The following CNIH3 variants were observed in gnomAD, a reference collection of about 807,000 sequenced individuals.
CNIH3 encodes protein cornichon homolog 3.
A neutral mutation model predicts 24.1 loss-of-function variants in CNIH3; 14 were observed. The observed-to-expected ratio is 0.58, with a 90% CI of 0.38 to 0.91. The LOEUF is 0.91. Ranked by LOEUF, CNIH3 falls within the 40% of genes least tolerant of loss-of-function variation. The pLI, the probability that CNIH3 is intolerant of heterozygous loss-of-function variation, is 0.00. For synonymous variants in CNIH3, 68 were observed against 73.8 expected (o/e 0.92, Z 0.40); for missense variants, 178 against 196.8 (o/e 0.90, Z 0.57).
chr1:224,593,705 A>G (rs1681860446), intron 3 of CNIH3, among the ~76,000 whole-genome samples: 1 of 152,254 alleles, frequency 6.6e-6, no homozygotes, highest in Non-Finnish European at 1.5e-5. Context: ...TTAAAAATAA[A>G]AATAAAACAA....
intron 2 of CNIH3, among the ~76,000 whole-genome samples, chr1:224,522,864 G>A (rs997095042): frequency 1.3e-5 from 2 of 152,208 alleles, no homozygotes; most frequent in South Asian, 4.1e-4. Context: ...ATCTATTAAA[G>A]GCAAATGTAT....
intron 1 of CNIH3, among the ~76,000 whole-genome samples, chr1:224,621,960 TGGTTTTATAAA>T (rs1683303683): frequency 6.6e-6 from 1 of 152,172 alleles, no homozygotes; most frequent in African/African-American, 2.4e-5. Context: ...TGAGATCTGA[TGGTTTTATAAA>T]GGGCAGTTCT....
intron 1 of CNIH3, among the ~76,000 whole-genome samples, chr1:224,495,224 G>C (rs757807455): frequency 6.6e-6 from 1 of 152,130 alleles, no homozygotes; most frequent in Non-Finnish European, 1.5e-5. Flanking sequence ...CTCACACAAT[G>C]AGCCCAGTCC....
At chr1:224,664,162 T>TA (rs1365034385) in intron 1 of CNIH3, among the ~76,000 whole-genome samples, 1 of 152,002 alleles carries the variant, frequency 6.6e-6, no homozygotes, top group Non-Finnish European at 1.5e-5. Flanking sequence ...AAATGGGAAT[T>TA]AGGGAGAGGT....
intron 3 of CNIH3, among the ~76,000 whole-genome samples, chr1:224,562,100 G>C (rs1164543243): frequency 6.6e-6 from 1 of 152,104 alleles, no homozygotes; most frequent in Non-Finnish European, 1.5e-5. Context: ...GCTAATTAAG[G>C]GATTTTTGTG....
chr1:224,520,797 T>C (rs1678595073), intron 1 of CNIH3, among the ~76,000 whole-genome samples: 1 of 152,204 alleles, frequency 6.6e-6, no homozygotes, highest in Admixed American at 6.5e-5. Context: ...GAGAGGCTCA[T>C]GTGTGTTTAT....
chr1:224,549,998 A>T (rs774130117), intron 3 of CNIH3, among the ~76,000 whole-genome samples: 10 of 152,204 alleles, frequency 6.6e-5, no homozygotes, highest in Non-Finnish European at 8.8e-5. Flanking sequence ...TATGTCATTA[A>T]TATCACAGTG....
chr1:224,569,392 A>T (rs1307222586), intron 4 of CNIH3, among the ~76,000 whole-genome samples: 1 of 152,208 alleles, frequency 6.6e-6, no homozygotes, highest in East Asian at 1.9e-4. Context: ...GCTAGAGCAT[A>T]TAAATACACC....
Position 224,739,484 on chromosome 1 carries a change from A to G in CNIH3, c.*128A>G. 1.3e-6 allele frequency: 2 copies of G among 1,523,314 alleles called. No individual in the cohort carries two copies. The highest frequency in any genetic ancestry group is 1.8e-6 in the Non-Finnish European group (2 of 1,130,320). The allele number at this position is 1,523,314 out of a possible 1,614,324, so 94.4% of individuals were successfully genotyped here. Reference sequence around the variant, plus strand: ...TGAGAAATAGACCCGGCAGGCAGTCAGACTGAATGGGAGCTGGAATCACGC... The same window carrying G: ...TGAGAAATAGACCCGGCAGGCAGTCGGACTGAATGGGAGCTGGAATCACGC... On this transcript the variant is annotated 3_prime_UTR_variant, in exon 6 of 6. Coordinates refer to ENST00000272133, the MANE Select transcript of CNIH3 (RefSeq NM_152495.2).
chr1:224,672,244 C>A (rs1685903551), intron 1 of CNIH3, among the ~76,000 whole-genome samples: 1 of 152,128 alleles, frequency 6.6e-6, no homozygotes, highest in South Asian at 2.1e-4. Flanking sequence ...TAAAAGCCTG[C>A]TTCCCTGGGG....
rs146162859 is a variant in CNIH3 at position 224,654,585 on chromosome 1, C to T, written c.82-26373C>T. On this transcript the variant is annotated intron_variant, in intron 1 of 5. Coordinates refer to ENST00000272133, the MANE Select transcript of CNIH3 (RefSeq NM_152495.2). Reference sequence around the variant, plus strand: ...CACTGTTGATGCCTGTTTCTAAAAACTGAATCAGCAAATGCCTTGCAGGAT... The same window carrying T: ...CACTGTTGATGCCTGTTTCTAAAAATTGAATCAGCAAATGCCTTGCAGGAT... Among the ~76,000 whole-genome samples the T allele has an allele frequency of 4.9e-3, 749 of 152,236 alleles. 23 individuals are homozygous for T. The highest frequency in any genetic ancestry group is 0.043 in the Admixed American group (653 of 15,286).
intron 4 of CNIH3, among the ~76,000 whole-genome samples, chr1:224,581,363 A>C (rs10916649): frequency 0.1 from 15,926 of 152,196 alleles, 936 homozygotes; most frequent in South Asian, 0.24. Context: ...AAAGACCGGA[A>C]ATCATTGCTT....
At chr1:224,686,158 C>A in intron 3 of CNIH3, among the ~76,000 whole-genome samples, 1 of 114,140 alleles carries the variant, frequency 8.8e-6, no homozygotes, top group Admixed American at 1.1e-4. Context: ...CCTCCCCCCT[C>A]CCCCCACCCC....
intron 4 of CNIH3, chr1:224,575,484 C>A: frequency 1.7e-6 from 1 of 587,140 alleles, no homozygotes; most frequent in Non-Finnish European, 3.1e-6. Flanking sequence ...CTGTGTCACT[C>A]AGCAGTGGGA....
rs1372553647 is a variant in CNIH3, at chr1:224,505,831, T to C, written n.204-9910T>C. ...AACCATTGGCGTTCAATAAAATTGGTAAACTGCCAATTGATTACCAAAAAA... is the reference window on the plus strand; with the variant it reads ...AACCATTGGCGTTCAATAAAATTGGCAAACTGCCAATTGATTACCAAAAAA... On this transcript the variant is annotated intron_variant and non_coding_transcript_variant, in intron 1 of 5. Coordinates refer to the CNIH3 transcript ENST00000471578. Among the ~76,000 whole-genome samples, 6 of 152,368 alleles carry C rather than the reference T, an allele frequency of 3.9e-5. No individual in the cohort carries two copies. In the East Asian group the frequency reaches 9.6e-4, roughly 24 times the overall value.
intron 3 of CNIH3, among the ~76,000 whole-genome samples, chr1:224,559,874 T>C (rs1680292084): frequency 6.6e-6 from 1 of 152,202 alleles, no homozygotes; most frequent in African/African-American, 2.4e-5. Flanking sequence ...AGGTAACCAC[T>C]ATCCTGGTCT....
At chr1:224,644,877 T>A (rs1684527842) in intron 1 of CNIH3, among the ~76,000 whole-genome samples, 1 of 152,174 alleles carries the variant, frequency 6.6e-6, no homozygotes, top group East Asian at 1.9e-4. Context: ...TGCATGCACC[T>A]CCACTGAGCT....
chr1:224,670,665 C>T (rs1249876572), intron 1 of CNIH3, among the ~76,000 whole-genome samples: 6 of 152,200 alleles, frequency 3.9e-5, no homozygotes, highest in African/African-American at 1.4e-4. Context: ...CAGCTTCCTT[C>T]CTAAGATGAG....
At chr1:224,682,032 G>C (rs1253847126) in intron 2 of CNIH3, among the ~76,000 whole-genome samples, 1 of 152,030 alleles carries the variant, frequency 6.6e-6, no homozygotes, top group Non-Finnish European at 1.5e-5. Flanking sequence ...GTCTTAGCTT[G>C]GAATGTTTGT....
Sources: allele counts gnomAD v4.1 joint callset (sites outside exome capture counted in the v4.1 genomes callset), GRCh38; gene constraint gnomAD v4.1.1; transcripts MANE v1.5; gene names NCBI Gene and HGNC (gene_info 2026-07-23, HGNC 2026-07-21).